The following TRMT11 variants were observed in gnomAD, a reference collection of about 807,000 sequenced individuals.
TRMT11 encodes tRNA (guanine(10)-N(2))-methyltransferase TRMT11.
Under a neutral mutation model 62.8 loss-of-function variants are expected in TRMT11, and 53 were observed. The ratio of observed to expected loss-of-function variants is 0.84; its 90% CI spans 0.68 to 1.06. TRMT11 has a LOEUF of 1.06. Ranked by LOEUF, TRMT11 falls within the 50% of genes least tolerant of loss-of-function variation. The pLI, the probability that TRMT11 is intolerant of heterozygous loss-of-function variation, is 0.00. For synonymous variants in TRMT11, 188 were observed against 190.3 expected (o/e 0.99, Z 0.10); for missense variants, 556 against 553.4 (o/e 1.00, Z -0.05).
intron 17 of TRMT11, among the ~76,000 whole-genome samples, chr6:126,106,790 T>C (rs1421566907): frequency 6.6e-6 from 1 of 152,162 alleles, no homozygotes; most frequent in Non-Finnish European, 1.5e-5. Context: ...AAGTATTCAA[T>C]ACATGTTACC....
the TRMT11 span, among the ~76,000 whole-genome samples, chr6:126,270,240 GA>G: frequency 6.6e-6 from 1 of 152,080 alleles, no homozygotes; most frequent in Non-Finnish European, 1.5e-5. Context: ...TAGAAATTCT[GA>G]AACCCTATTT....
the TRMT11 span, among the ~76,000 whole-genome samples, chr6:126,211,459 T>G: frequency 6.6e-6 from 1 of 152,178 alleles, no homozygotes; most frequent in Admixed American, 6.5e-5. Context: ...TCATTATCTA[T>G]TACATGGACT....
Position 126,135,080 on chromosome 6 carries a change from G to A in TRMT11, c.*1823+19225G>A, listed in dbSNP as rs891058170. ...AATTAACCTAACAATTCACTTCCAGGTTACTAGAAAAGCAAGAACAAATCA... is the reference window on the plus strand; with the variant it reads ...AATTAACCTAACAATTCACTTCCAGATTACTAGAAAAGCAAGAACAAATCA... On this transcript the variant is annotated intron_variant and NMD_transcript_variant, in intron 21 of 22. Transcript: ENST00000648977. Among the ~76,000 whole-genome samples the A allele has an allele frequency of 4.0e-5, 6 of 151,354 alleles. No individual in the cohort carries two copies. The South Asian group carries it at 1.2e-3, about 32-fold the overall frequency.
At chr6:126,034,116 G>A (rs904552473) in intron 12 of TRMT11, among the ~76,000 whole-genome samples, 13 of 151,880 alleles carry the variant, frequency 8.6e-5, no homozygotes, top group Admixed American at 6.6e-4. Flanking sequence ...TTGTTTTGAT[G>A]TAATTTCTAC....
At chr6:126,244,516 A>G in the TRMT11 span, among the ~76,000 whole-genome samples, 1 of 152,174 alleles carries the variant, frequency 6.6e-6, no homozygotes, top group Admixed American at 6.5e-5. Context: ...AAGGGCAACT[A>G]TTACAAGCTT....
chr6:126,167,345 C>A (rs1474725048), intron 21 of TRMT11, among the ~76,000 whole-genome samples: 3 of 152,202 alleles, frequency 2.0e-5, no homozygotes, highest in African/African-American at 7.2e-5. Context: ...CAGTCCCTAA[C>A]AGCTTCCCTT....
chr6:126,111,001 T>G (rs2128187634), intron 17 of TRMT11, among the ~76,000 whole-genome samples: 1 of 152,246 alleles, frequency 6.6e-6, no homozygotes, highest in South Asian at 2.1e-4. Flanking sequence ...GAAAATGAGT[T>G]TGACCCAGGC....
chr6:126,218,008 G>T, the TRMT11 span, among the ~76,000 whole-genome samples: 3 of 152,088 alleles, frequency 2.0e-5, no homozygotes, highest in East Asian at 5.8e-4. Flanking sequence ...ACAAGCAGAG[G>T]AGTCTTTTCC....
At chr6:125,990,924 A>G (rs1424647323) in intron 1 of TRMT11, among the ~76,000 whole-genome samples, 2 of 152,110 alleles carry the variant, frequency 1.3e-5, no homozygotes, top group African/African-American at 4.8e-5. Flanking sequence ...TACATAGATC[A>G]GGGACTTGCA....
the TRMT11 span, among the ~76,000 whole-genome samples, chr6:126,240,831 C>T: frequency 6.6e-6 from 1 of 152,250 alleles, no homozygotes; most frequent in African/African-American, 2.4e-5. Flanking sequence ...GGCAGGCAGG[C>T]CTCCTTGAGC....
chr6:126,129,884 A>C (rs2128205661), intron 21 of TRMT11, among the ~76,000 whole-genome samples: 1 of 152,166 alleles, frequency 6.6e-6, no homozygotes, highest in African/African-American at 2.4e-5. Context: ...TTACACAACT[A>C]ATCTTTGGCT....
At chr6:126,249,846 C>G in the TRMT11 span, among the ~76,000 whole-genome samples, 2 of 152,034 alleles carry the variant, frequency 1.3e-5, no homozygotes, top group African/African-American at 2.4e-5. Flanking sequence ...ATGTTTGTAA[C>G]TGATTATCAG....
chr6:126,095,089 T>G (rs1307076932), intron 17 of TRMT11, among the ~76,000 whole-genome samples: 1 of 152,352 alleles, frequency 6.6e-6, no homozygotes, highest in East Asian at 1.9e-4. Flanking sequence ...CATTTTTCAT[T>G]AGGTCTGGCG....
At chr6:126,003,331 G>A (rs1292600063) in intron 7 of TRMT11, among the ~76,000 whole-genome samples, 2 of 152,124 alleles carry the variant, frequency 1.3e-5, no homozygotes, top group African/African-American at 4.8e-5. Flanking sequence ...TACAGCCCAA[G>A]ACAATTCTTC....
the TRMT11 span, among the ~76,000 whole-genome samples, chr6:126,224,741 G>C: frequency 6.8e-4 from 104 of 152,358 alleles, no homozygotes; most frequent in Non-Finnish European, 1.0e-3. Context: ...GTGAAAGAAT[G>C]ACAGGTTACA....
intron 7 of TRMT11, among the ~76,000 whole-genome samples, chr6:126,001,426 G>A (rs1213996070): frequency 6.6e-6 from 1 of 151,776 alleles, no homozygotes; most frequent in Non-Finnish European, 1.5e-5. Context: ...CTCAAGATTA[G>A]GATTAGGTTA....
the TRMT11 span, among the ~76,000 whole-genome samples, chr6:126,262,013 G>A: frequency 1.6e-4 from 25 of 152,348 alleles, no homozygotes; most frequent in African/African-American, 5.5e-4. Context: ...AGCGAGGTGG[G>A]AAGTCCTGTG....
At chr6:126,164,652 G>T (rs1295974713) in intron 21 of TRMT11, among the ~76,000 whole-genome samples, 1 of 152,152 alleles carries the variant, frequency 6.6e-6, no homozygotes, top group Non-Finnish European at 1.5e-5. Flanking sequence ...ATGAATCTGG[G>T]TGCTTCTGTA....
Position 125,999,629 on chromosome 6 carries a change from T to A in TRMT11, c.679+16T>A. 6.3e-7 allele frequency: 1 copy of A among 1,599,876 alleles called. No individual in the cohort carries two copies. The highest frequency in any genetic ancestry group is 2.2e-5 in the East Asian group (1 of 44,616). ...GTTGGAACAGGTATTTTTATTTAAC[T>A]TTTAAGCTAGTGTAGAGATGTTGCT... On this transcript the variant is annotated intron_variant, in intron 7 of 12. Coordinates refer to ENST00000334379, the MANE Select transcript of TRMT11 (RefSeq NM_001031712.3).
Sources: gnomAD v4.1 joint callset for allele counts (sites outside exome capture counted in the v4.1 genomes callset) on GRCh38, gnomAD v4.1.1 for gene constraint, MANE v1.5 for transcripts, NCBI Gene and HGNC (gene_info 2026-07-23, HGNC 2026-07-21) for gene names.